Variants in ATP10B observed in about 807,000 individuals in gnomAD.
ATP10B encodes ATPase phospholipid transporting 10B (putative), also known as phospholipid-transporting ATPase VB.
ATP10B carries 122 observed loss-of-function variants against 141.2 expected under a neutral mutation model. The observed-to-expected ratio is 0.86, with a 90% CI of 0.75 to 1.00. The LOEUF (loss-of-function observed/expected upper bound fraction) is 1.00. Among genes scored for constraint, ATP10B ranks in the 50% least tolerant of loss-of-function variants. The pLI is 0.00. For synonymous variants in ATP10B, 685 were observed against 692.0 expected (o/e 0.99, Z 0.16); for missense variants, 1,876 against 1,825.3 (o/e 1.03, Z -0.51).
At chr5:160,739,807 G>GT (rs1767346301) in intron 2 of ATP10B, among the ~76,000 whole-genome samples, 1 of 149,536 alleles carries the variant, frequency 6.7e-6, no homozygotes, top group South Asian at 2.1e-4. Context: ...TTCATTTCCT[G>GT]TTTTTTGTTT....
chr5:160,620,764 A>G lies in ATP10B; in HGVS notation c.1999T>C (p.Ser667Pro), dbSNP rs775350938. ...TTDSDERDDASVCSGGDSTDD... is the reference protein window; with the variant it reads ...TTDSDERDDAPVCSGGDSTDD... ...GTGGAGTCACCTCCACTGCACACAG[A>G]TGCATCATCTCTCTCATCCGAGTCT... is the stretch of plus-strand genomic sequence containing the variant. Residue 667 changes from serine (S) to proline (P), a missense_variant, in exon 15 of 26, where the codon TCT becomes CCT. Transcript: ENST00000327245. The G allele has an allele frequency of 1.9e-6, 3 of 1,614,030 alleles. No homozygotes were observed. Among genetic ancestry groups the G allele is most frequent in the East Asian group, 4.5e-5 (2 of 44,894 alleles).
intron 2 of ATP10B, among the ~76,000 whole-genome samples, chr5:160,747,131 T>C (rs1211588920): frequency 2.0e-5 from 3 of 152,196 alleles, no homozygotes; most frequent in Admixed American, 6.5e-5. Flanking sequence ...GGGCTGAGTA[T>C]TTTTTGCTCT....
intron 2 of ATP10B, among the ~76,000 whole-genome samples, chr5:160,760,711 C>A (rs1220220478): frequency 6.6e-6 from 1 of 152,322 alleles, no homozygotes; most frequent in South Asian, 2.1e-4. Flanking sequence ...GCCTTGCTGG[C>A]TGCATGGGAG....
At chr5:160,652,114 T>C (rs943843022) in intron 7 of ATP10B, among the ~76,000 whole-genome samples, 6 of 152,160 alleles carry the variant, frequency 3.9e-5, no homozygotes, top group Non-Finnish European at 7.4e-5. Context: ...CTGTTGGGGC[T>C]TCCTAGCCAC....
chr5:160,673,539 T>G (rs866285474), intron 6 of ATP10B, among the ~76,000 whole-genome samples: 2,350 of 149,550 alleles, frequency 0.016, 58 homozygotes, highest in African/African-American at 0.055. Flanking sequence ...TTTTGTTTTT[T>G]TTTTTTTTTT....
In ATP10B at chr5:160,652,927, T is replaced by G. The variant is rs28828417; in HGVS notation, c.676-3671A>C. 1.6e-3 allele frequency among the ~76,000 whole-genome samples: 131 copies of G among 82,064 alleles called. 13 individuals are homozygous for G. The highest frequency in any genetic ancestry group is 6.9e-3 in the African/African-American group (122 of 17,738). The allele number at this position is 82,064 out of a possible 152,430, so 53.8% of individuals were successfully genotyped here. ...TATATATACATGTATATATAATATA[T>G]TATATATACATGTATATATAATATA... On this transcript the variant is annotated intron_variant, in intron 7 of 25. Coordinates refer to ENST00000327245, the MANE Select transcript of ATP10B (RefSeq NM_025153.3).
At chr5:160,887,571 A>G in the ATP10B span, among the ~76,000 whole-genome samples, 7 of 152,078 alleles carry the variant, frequency 4.6e-5, no homozygotes, top group Non-Finnish European at 1.0e-4. Flanking sequence ...CAAGTCCTTA[A>G]AGGCCCGCAA....
intron 25 of ATP10B, among the ~76,000 whole-genome samples, chr5:160,566,740 C>T (rs564588246): frequency 3.3e-5 from 5 of 152,286 alleles, no homozygotes; most frequent in East Asian, 3.9e-4. Flanking sequence ...ATACACAAGC[C>T]GTGGCAGTGG....
intron 24 of ATP10B, among the ~76,000 whole-genome samples, chr5:160,573,254 G>A (rs749325850): frequency 6.6e-6 from 1 of 152,172 alleles, no homozygotes; most frequent in Non-Finnish European, 1.5e-5. Context: ...TAGCTGGAAG[G>A]CAGCTGTCCA....
intron 22 of ATP10B, among the ~76,000 whole-genome samples, chr5:160,592,188 T>C (rs921770036): frequency 1.2e-4 from 19 of 152,126 alleles, no homozygotes; most frequent in African/African-American, 4.6e-4. Flanking sequence ...AAAGCACATG[T>C]AATTTTGAGT....
chr5:160,839,889 T>C (rs1775707779), intron 1 of ATP10B, among the ~76,000 whole-genome samples: 1 of 152,012 alleles, frequency 6.6e-6, no homozygotes, highest in Non-Finnish European at 1.5e-5. Flanking sequence ...GCAAAAGATA[T>C]TTTATAATGC....
At chr5:160,718,782 C>G (rs1765803405) in intron 2 of ATP10B, among the ~76,000 whole-genome samples, 2 of 152,134 alleles carry the variant, frequency 1.3e-5, no homozygotes, top group South Asian at 4.1e-4. Context: ...CCCCATGGCC[C>G]AAACACCTTT....
intron 7 of ATP10B, among the ~76,000 whole-genome samples, chr5:160,666,622 C>G (rs1200126233): frequency 6.6e-6 from 1 of 152,174 alleles, no homozygotes. Flanking sequence ...CAACTCTCAT[C>G]AACATGTTTG....
At chr5:160,913,226 C>G in the ATP10B span, among the ~76,000 whole-genome samples, 2 of 152,208 alleles carry the variant, frequency 1.3e-5, no homozygotes, top group Admixed American at 1.3e-4. Context: ...TTCTGCAGCC[C>G]TCAGCAACAC....
chr5:160,779,722 A>C lies in ATP10B; in HGVS notation c.-331+5837T>G, dbSNP rs187475446. Among the ~76,000 whole-genome samples the C allele has an allele frequency of 2.8e-4, 43 of 152,330 alleles. No individual in the cohort carries two copies. In the East Asian group the frequency reaches 8.3e-3, roughly 29 times the overall value. Reference sequence around the variant, plus strand: ...AGATTCCTGACCCATAGAAACTGTAAGATAATGTGTATTATTCTTTTAAGG... The same window carrying C: ...AGATTCCTGACCCATAGAAACTGTACGATAATGTGTATTATTCTTTTAAGG... On this transcript the variant is annotated intron_variant, in intron 2 of 25. Transcript: ENST00000327245.
chr5:160,649,179 C>A lies in ATP10B; in HGVS notation c.753G>T (p.Lys251Asn). Residue 251 changes from lysine to asparagine, a missense_variant, in exon 8 of 26, where the codon AAG (lysine) becomes AAT (asparagine). Transcript: ENST00000327245. ...GGACATGAGATACTTACATATAACC[C>A]TTAAATTTGTTGAGGTGGTTGTTGG... ...EKPNNHLNKF[K>N]GYMEHPDQTR... The A allele has an allele frequency of 1.2e-6, 2 of 1,612,596 alleles. No individual in the cohort carries two copies. The highest frequency in any genetic ancestry group is 1.7e-6 in the Non-Finnish European group (2 of 1,178,734).
At chr5:160,857,401 A>G in the ATP10B span, among the ~76,000 whole-genome samples, 1 of 151,440 alleles carries the variant, frequency 6.6e-6, no homozygotes, top group Non-Finnish European at 1.5e-5. Flanking sequence ...CATTTTTGAT[A>G]TCGGTAATTT....
At chr5:160,749,472 G>A (rs1348441139) in intron 2 of ATP10B, among the ~76,000 whole-genome samples, 1 of 152,100 alleles carries the variant, frequency 6.6e-6, no homozygotes, top group Non-Finnish European at 1.5e-5. Flanking sequence ...ACCTGTTCCA[G>A]TTTCCACCCC....
intron 2 of ATP10B, among the ~76,000 whole-genome samples, chr5:160,772,248 C>T (rs1257826646): frequency 6.6e-6 from 1 of 152,224 alleles, no homozygotes; most frequent in African/African-American, 2.4e-5. Flanking sequence ...AGTGTATGTG[C>T]AAGGTTTCCC....
Sources: gnomAD v4.1 joint callset for allele counts (sites outside exome capture counted in the v4.1 genomes callset) on GRCh38, gnomAD v4.1.1 for gene constraint, MANE v1.5 for transcripts, NCBI Gene and HGNC (gene_info 2026-07-23, HGNC 2026-07-21) for gene names.